ARMH3: variants seen among roughly 807,000 people sequenced by gnomAD.
The protein encoded by ARMH3 is armadillo-like helical domain-containing protein 3.
Under a neutral mutation model 99.1 loss-of-function variants are expected in ARMH3, and 60 were observed. That is an observed-to-expected ratio of 0.61 (90% confidence interval 0.49 to 0.75). The LOEUF is 0.75. Among genes scored for constraint, ARMH3 ranks in the 30% least tolerant of loss-of-function variants. The pLI is 0.00. For missense variants in ARMH3, 679 were observed against 843.1 expected, an observed-to-expected ratio of 0.81 and a Z score of 2.41; for synonymous variants, 285 against 292.8, an observed-to-expected ratio of 0.97 and a Z score of 0.27.
At chr10:101,948,901 CCAAAA>C (rs1306115213) in intron 22 of ARMH3, among the ~76,000 whole-genome samples, 1 of 151,866 alleles carries the variant, frequency 6.6e-6, no homozygotes, top group Non-Finnish European at 1.5e-5. Flanking sequence ...TATTCTTTGG[CCAAAA>C]CAAAACTAAA....
chr10:101,975,074 A>T, intron 20 of ARMH3, 138 bp downstream of exon 20: 2 of 333,924 alleles, frequency 6.0e-6, no homozygotes, highest in Non-Finnish European at 5.4e-6. Context: ...AAAAAAAAAA[A>T]GACAAAAAGA....
intron 20 of ARMH3, among the ~76,000 whole-genome samples, chr10:101,964,905 C>T (rs1395908166): frequency 6.6e-6 from 1 of 151,604 alleles, no homozygotes; most frequent in African/African-American, 2.4e-5. Flanking sequence ...CCCAGCTACT[C>T]GGGAGGCTGA....
chr10:101,860,386 T>C (rs547057691), intron 24 of ARMH3, among the ~76,000 whole-genome samples: 3 of 152,284 alleles, frequency 2.0e-5, no homozygotes, highest in East Asian at 1.9e-4. Context: ...TTCCACTTGA[T>C]AGAGTAACTG....
Position 101,847,408 on chromosome 10 carries a change from A to G in ARMH3, c.*120T>C. 2 of 981,280 alleles carry G rather than the reference A, an allele frequency of 2.0e-6. No individual in the cohort carries two copies. Among genetic ancestry groups the G allele is most frequent in the Admixed American group, 1.9e-5 (1 of 52,086 alleles). 60.8% of individuals were successfully genotyped at this position (981,280 alleles called of 1,614,324 possible). On this transcript the variant is annotated 3_prime_UTR_variant, in exon 26 of 26. Transcript: ENST00000370033. ...CCATTGAAGTGCGGTCTTCACCAAG[A>G]GAACTTGGTATCTGTGTTTCTCTCC...
At chr10:102,028,160 T>C (rs1450054251) in intron 5 of ARMH3, among the ~76,000 whole-genome samples, 3 of 152,112 alleles carry the variant, frequency 2.0e-5, no homozygotes, top group South Asian at 2.1e-4. Context: ...ACAGCCCCTA[T>C]GGAAAAATGG....
chr10:101,859,756 T>C (rs2066819274), intron 24 of ARMH3, among the ~76,000 whole-genome samples: 1 of 152,236 alleles, frequency 6.6e-6, no homozygotes, highest in African/African-American at 2.4e-5. Context: ...TTTTTAGCAC[T>C]TGTTTGCATA....
intron 15 of ARMH3, among the ~76,000 whole-genome samples, chr10:101,995,976 A>G (rs1016260606): frequency 2.0e-5 from 3 of 152,260 alleles, no homozygotes; most frequent in African/African-American, 7.2e-5. Context: ...CACTAGAGAT[A>G]TAGCACTGAA....
chr10:101,986,895 G>C (rs369211291), intron 19 of ARMH3, among the ~76,000 whole-genome samples: 1 of 152,146 alleles, frequency 6.6e-6, no homozygotes, highest in Non-Finnish European at 1.5e-5. Flanking sequence ...TTGATGCCTC[G>C]TTATCTTCTC....
At chr10:101,938,714 C>A (rs949165437) in intron 23 of ARMH3, among the ~76,000 whole-genome samples, 1 of 152,166 alleles carries the variant, frequency 6.6e-6, no homozygotes. Context: ...TACAGAAAAT[C>A]GCATTTATCG....
At chr10:102,034,594 CT>C (rs1164725884) in intron 2 of ARMH3, among the ~76,000 whole-genome samples, 1 of 151,134 alleles carries the variant, frequency 6.6e-6, no homozygotes, top group East Asian at 1.9e-4. Context: ...CGAGATCACA[CT>C]GCTGCACTCC....
chr10:102,046,049 C>T (rs993792253), intron 1 of ARMH3, among the ~76,000 whole-genome samples: 1 of 151,760 alleles, frequency 6.6e-6, no homozygotes, highest in African/African-American at 2.4e-5. Flanking sequence ...GAGACGAGAT[C>T]GCACCATTGC....
rs529858697 is a variant in ARMH3 at position 102,007,833 on chromosome 10, CAAAAAAA to C, written c.955-1207_955-1201del. Among the ~76,000 whole-genome samples, 208 of 48,994 alleles carry C rather than the reference CAAAAAAA, an allele frequency of 4.2e-3. 1 individual carries two copies. The highest frequency in any genetic ancestry group is 0.013 in the African/African-American group (199 of 14,750). The allele number at this position is 48,994 out of a possible 152,430, so 32.1% of individuals were successfully genotyped here. The stretch of plus-strand genomic sequence containing the variant: ...GGGTGACAGAGCGAGACACCATCTC[CAAAAAAA>C]AAAAAAAAAAAAAAAAGCAAAAGAG... On this transcript the variant is annotated intron_variant, in intron 13 of 25. Transcript: ENST00000370033.
chr10:102,005,817 A>C (rs1465346808), intron 14 of ARMH3, among the ~76,000 whole-genome samples: 1 of 152,168 alleles, frequency 6.6e-6, no homozygotes, highest in African/African-American at 2.4e-5. Flanking sequence ...TATGAAGGGG[A>C]AATTTTCACC....
At position 102,033,242 on chromosome 10, in the gene ARMH3, T is replaced by C. The variant is rs764127671; in HGVS notation, c.159+41A>G. On this transcript the variant is annotated intron_variant, in intron 3 of 25. Transcript: ENST00000370033. ...CGCCTAGAATATATGAGAAGGCAAT[T>C]TTAGTTACCAGGAAATTCCACAGAT... is the stretch of plus-strand genomic sequence containing the variant. 29 of 1,613,424 alleles carry C rather than the reference T, an allele frequency of 1.8e-5. No individual in the cohort carries two copies. The South Asian group carries it at 3.2e-4, about 18-fold the overall frequency.
At chr10:101,889,631 C>T (rs2067639365) in intron 23 of ARMH3, 141 bp from the exon 24 acceptor site, 3 of 757,034 alleles carry the variant, frequency 4.0e-6, no homozygotes, top group Non-Finnish European at 7.1e-6. Context: ...TCTTATTGAA[C>T]ATGAGGTAGT....
At chr10:101,912,938 C>A (rs1340029703) in intron 23 of ARMH3, 2 of 152,034 alleles carry the variant, frequency 1.3e-5, no homozygotes, top group East Asian at 3.8e-4. Flanking sequence ...TCCATATGTA[C>A]ATATTATCTA....
chr10:101,909,276 G>A (rs1486689431), intron 23 of ARMH3, among the ~76,000 whole-genome samples: 11 of 151,790 alleles, frequency 7.2e-5, no homozygotes, highest in East Asian at 2.0e-4. Flanking sequence ...GTGTGGTGGC[G>A]CACGCCTGTA....
chr10:101,859,254 T>C (rs1053909350), intron 24 of ARMH3, among the ~76,000 whole-genome samples: 10 of 152,244 alleles, frequency 6.6e-5, no homozygotes, highest in Non-Finnish European at 1.5e-4. Flanking sequence ...AGGTTTTTTC[T>C]CTTTTGTTTA....
At chr10:101,975,385 G>A in intron 19 of ARMH3, 85 bp from the exon 20 acceptor site, 1 of 1,036,502 alleles carries the variant, frequency 9.6e-7, no homozygotes, top group African/African-American at 1.6e-5. Context: ...AGCCAGCTTT[G>A]CTAAGGCCAC....
Sources: gnomAD v4.1 joint callset for allele counts (sites outside exome capture counted in the v4.1 genomes callset) on GRCh38, gnomAD v4.1.1 for gene constraint, MANE v1.5 for transcripts, NCBI Gene and HGNC (gene_info 2026-07-23, HGNC 2026-07-21) for gene names.